The following KCNIP2 variants were observed in gnomAD, a reference collection of about 807,000 sequenced individuals.
KCNIP2 encodes the protein potassium voltage-gated channel interacting protein 2, also known as A-type potassium channel modulatory protein KCNIP2.
In KCNIP2, 19 loss-of-function variants were observed where a neutral mutation model predicts 39.0. That is an observed-to-expected ratio of 0.49 (90% CI 0.34 to 0.71). The LOEUF (loss-of-function observed/expected upper bound fraction) is 0.71, where lower values mean the gene tolerates loss of function less well. KCNIP2 is among the 30% of genes least tolerant of loss of function. The pLI, the probability that KCNIP2 is intolerant of heterozygous loss-of-function variation, is 0.01. For missense variants in KCNIP2, 261 were observed against 346.0 expected (o/e 0.75, Z 1.95); for synonymous variants, 111 against 131.2 (o/e 0.85, Z 1.05).
chr10:101,837,441 C>T (rs942438757), intron 1 of KCNIP2, among the ~76,000 whole-genome samples: 3 of 152,080 alleles, frequency 2.0e-5, no homozygotes, highest in African/African-American at 7.2e-5. Context: ...GAGGCCGAGG[C>T]GGGTGGATCA....
rs920457876 is a variant in KCNIP2 at position 101,826,476 on chromosome 10, A to C, written c.*877T>G. On this transcript the variant is annotated 3_prime_UTR_variant, in exon 10 of 10. Transcript: ENST00000356640. ...TAGAGAACATGGGAAACAAAAACTC[A>C]AGTCATAGCCCTCAAAACAGGGACG... The C allele has an allele frequency of 7.2e-5, 11 of 152,414 alleles. No homozygotes were observed. Among genetic ancestry groups the C allele is most frequent in the African/African-American group, 2.2e-4 (9 of 41,436 alleles). The allele number at this position is 152,414 out of a possible 1,614,324, so 9.4% of individuals were successfully genotyped here.
chr10:101,827,940 G>T lies in KCNIP2; in HGVS notation c.651C>A (p.Tyr217Ter). Reference sequence around the variant, plus strand: ...TTGGGGCCTCCTCCCGGAGTGCAGGGTACGTGTACTTGCCCATCATGTCAT... The same window carrying T: ...TTGGGGCCTCCTCCCGGAGTGCAGGTTACGTGTACTTGCCCATCATGTCAT... The part of the protein sequence containing the change: ...SIYDMMGKYT[Y>*]PALREEAPRE... Residue 217 changes from tyrosine (Y) to a stop codon, truncating the protein, a stop_gained, in exon 8 of 10, where the codon TAC (tyrosine) becomes TAA (stop). Transcript: ENST00000356640. LOFTEE classifies it high-confidence loss of function. The T allele has an allele frequency of 6.2e-7, 1 of 1,614,108 alleles. No homozygotes were observed. The highest frequency in any genetic ancestry group is 8.5e-7 in the Non-Finnish European group (1 of 1,179,958).
chr10:101,834,984 T>C (rs2066108201), intron 1 of KCNIP2, among the ~76,000 whole-genome samples: 1 of 152,234 alleles, frequency 6.6e-6, no homozygotes, highest in Non-Finnish European at 1.5e-5. Flanking sequence ...GTTATGCATT[T>C]TGACTCTTGC....
rs925682887 is a variant in KCNIP2 at position 101,826,029 on chromosome 10, T to C, written c.*1324A>G. 1 of 152,586 alleles carries C rather than the reference T, an allele frequency of 6.6e-6. No homozygotes were observed. The highest frequency in any genetic ancestry group is 1.5e-5 in the Non-Finnish European group (1 of 68,018). 9.5% of individuals were successfully genotyped at this position (152,586 alleles called of 1,614,324 possible). The stretch of plus-strand genomic sequence containing the variant: ...TATATTTCTTACTTTACAAAATATA[T>C]AGAAGAGCCCAAAATGCAAAGCAGT... On this transcript the variant is annotated 3_prime_UTR_variant, in exon 10 of 10. Coordinates refer to ENST00000356640, the MANE Select transcript of KCNIP2 (RefSeq NM_173191.3).
At chr10:101,833,681 A>G (rs980312693) in intron 1 of KCNIP2, among the ~76,000 whole-genome samples, 1 of 152,038 alleles carries the variant, frequency 6.6e-6, no homozygotes, top group Admixed American at 6.5e-5. Context: ...TCACACATAC[A>G]GTCATATCCC....
chr10:101,829,850 C>G lies in KCNIP2; in HGVS notation c.217G>C (p.Asp73His). ...SLRPHRPRLL[D>H]PDSVDDEFEL... ...CACCAGGAGCGTAAGTCACCTGGGT[C>G]CAGCAGGCGGGGTCTGTGGGGGCGG... Residue 73 changes from aspartate to histidine, a missense_variant, in exon 3 of 10, where the codon GAC becomes CAC. Coordinates refer to ENST00000356640, the MANE Select transcript of KCNIP2 (RefSeq NM_173191.3). The G allele has an allele frequency of 6.8e-7, 1 of 1,479,048 alleles. No individual in the cohort carries two copies. The highest frequency in any genetic ancestry group is 8.9e-7 in the Non-Finnish European group (1 of 1,121,586). The allele number at this position is 1,479,048 out of a possible 1,614,324, so 91.6% of individuals were successfully genotyped here.
chr10:101,834,922 TGTGCTTAC>T (rs1379985256), intron 1 of KCNIP2, among the ~76,000 whole-genome samples: 1 of 152,256 alleles, frequency 6.6e-6, no homozygotes, highest in East Asian at 1.9e-4. Flanking sequence ...TGTGTCTTTG[TGTGCTTAC>T]ACGTGACTGT....
intron 1 of KCNIP2, chr10:101,834,443 C>A (rs961964547): frequency 1.2e-4 from 47 of 398,768 alleles, no homozygotes; most frequent in African/African-American, 7.6e-4. Context: ...CCACCTCCCC[C>A]TCAGACTCCC....
At chr10:101,832,855 A>G (rs1285229244) in intron 1 of KCNIP2, among the ~76,000 whole-genome samples, 1 of 151,864 alleles carries the variant, frequency 6.6e-6, no homozygotes, top group East Asian at 1.9e-4. Context: ...TGGGATTTCC[A>G]GATGCCCTCT....
Position 101,828,846 on chromosome 10 carries a change from A to ACTT in KCNIP2, c.349-153_349-151dup. The ACTT allele has an allele frequency of 6.4e-7, 1 of 1,564,186 alleles. No individual in the cohort carries two copies. Among genetic ancestry groups the ACTT allele is most frequent in the South Asian group, 1.2e-5 (1 of 85,944 alleles). ...CGTGGCTCATGTGATGGGAGGGAAGACTTCTTTCCCAGTGCACAAATAAAA... is the reference window on the plus strand; with the variant it reads ...CGTGGCTCATGTGATGGGAGGGAAGACTTCTTCTTTCCCAGTGCACAAATAAAA... On this transcript the variant is annotated intron_variant, in intron 4 of 9. Transcript: ENST00000356640. This position sits in a 1 kb window ranked among gnomAD's most constrained non-coding sequence, Gnocchi z 6.6.
Position 101,828,964 on chromosome 10 carries a change from C to A in KCNIP2, c.348+111G>T, listed in dbSNP as rs2135137452. ...TAGAAGTTCAGTCTCAGGGCCTTGC[C>A]TCCCTTCCGCCCACACCTCAAGCAT... On this transcript the variant is annotated intron_variant, in intron 4 of 9. Coordinates refer to ENST00000356640, the MANE Select transcript of KCNIP2 (RefSeq NM_173191.3). This position sits in a 1 kb window ranked among gnomAD's most constrained non-coding sequence, Gnocchi z 6.6. 1 of 1,532,872 alleles carries A rather than the reference C, an allele frequency of 6.5e-7. No individual in the cohort carries two copies. Among genetic ancestry groups the A allele is most frequent in the Middle Eastern group, 1.7e-4 (1 of 5,804 alleles). 95.0% of individuals were successfully genotyped at this position (1,532,872 alleles called of 1,614,324 possible).
chr10:101,840,063 G>A (rs988625917), intron 1 of KCNIP2, among the ~76,000 whole-genome samples: 2 of 151,712 alleles, frequency 1.3e-5, no homozygotes, highest in Admixed American at 6.6e-5. Context: ...TGGACGGGGG[G>A]GGGGGGTGGC....
At chr10:101,827,773 G>A in intron 8 of KCNIP2, 22 bp from the exon 9 acceptor site, 1 of 1,587,324 alleles carries the variant, frequency 6.3e-7, no homozygotes. Flanking sequence ...TGGTCAGGCA[G>A]GGAGAACAGG....
At chr10:101,841,043 C>T (rs570765263) in intron 1 of KCNIP2, among the ~76,000 whole-genome samples, 2 of 152,248 alleles carry the variant, frequency 1.3e-5, no homozygotes, top group African/African-American at 4.8e-5. Flanking sequence ...GCGGCCCCGC[C>T]GGGCTGGGAA....
chr10:101,830,046 G>T, intron 2 of KCNIP2, 149 bp from the exon 3 acceptor site: 1 of 896,736 alleles, frequency 1.1e-6, no homozygotes, highest in Non-Finnish European at 1.7e-6. Context: ...CGGACCCCAT[G>T]CACACAAGCT....
chr10:101,836,521 C>G (rs2066168990), intron 1 of KCNIP2, among the ~76,000 whole-genome samples: 1 of 152,126 alleles, frequency 6.6e-6, no homozygotes, highest in African/African-American at 2.4e-5. Context: ...CAGGCGTGTG[C>G]CACCGCGTCT....
At chr10:101,830,707 A>ACACG (rs1021929879) in intron 2 of KCNIP2, among the ~76,000 whole-genome samples, 3 of 147,484 alleles carry the variant, frequency 2.0e-5, no homozygotes, top group Non-Finnish European at 3.0e-5. Context: ...ACACACACAC[A>ACACG]CACGCACGCA....
intron 1 of KCNIP2, among the ~76,000 whole-genome samples, chr10:101,840,460 T>C (rs2135208333): frequency 6.6e-6 from 1 of 151,614 alleles, no homozygotes; most frequent in South Asian, 2.1e-4. Context: ...TCATAACTGT[T>C]TCTATTTGTG....
chr10:101,830,939 G>GCA, intron 2 of KCNIP2, 133 bp downstream of exon 2: 1 of 841,310 alleles, frequency 1.2e-6, no homozygotes. Flanking sequence ...CAGGCCTGGG[G>GCA]CACGCCCCCC....
Sources: gnomAD v4.1 joint callset for allele counts (sites outside exome capture counted in the v4.1 genomes callset) on GRCh38, gnomAD v4.1.1 for gene constraint, Gnocchi (gnomAD v3.1) non-coding constraint, MANE v1.5 for transcripts, NCBI Gene and HGNC (gene_info 2026-07-23, HGNC 2026-07-21) for gene names.